The following ZZZ3 variants were observed in gnomAD, a reference collection of about 807,000 sequenced individuals.
The protein encoded by ZZZ3 is zinc finger ZZ-type containing 3, also known as ZZ-type zinc finger-containing protein 3.
In ZZZ3, 22 loss-of-function variants were observed where a neutral mutation model predicts 95.2. The ratio of observed to expected loss-of-function variants is 0.23; its 90% CI spans 0.17 to 0.33. The LOEUF is 0.33. Ranked by LOEUF, ZZZ3 falls within the 10% of genes least tolerant of loss-of-function variation. The pLI, the probability that ZZZ3 is intolerant of heterozygous loss-of-function variation, is 1.00. For synonymous variants in ZZZ3, 335 were observed against 358.9 expected (o/e 0.93, Z 0.75); for missense variants, 885 against 1,066.5 (o/e 0.83, Z 2.37).
At chr1:77,665,810 A>G (rs1671193035) in intron 1 of ZZZ3, among the ~76,000 whole-genome samples, 1 of 152,200 alleles carries the variant, frequency 6.6e-6, no homozygotes, top group African/African-American at 2.4e-5. Flanking sequence ...TGGGAGGCCG[A>G]GGCGGGCGGA....
intron 14 of ZZZ3, 37 bp from the exon 15 acceptor site, chr1:77,565,821 G>A: frequency 6.3e-7 from 1 of 1,581,100 alleles, no homozygotes; most frequent in South Asian, 1.2e-5. Context: ...TTACATGGTA[G>A]TGGATGCATT....
chr1:77,580,921 T>C, intron 9 of ZZZ3, 77 bp downstream of exon 9: 1 of 1,244,862 alleles, frequency 8.0e-7, no homozygotes. Flanking sequence ...CCACTGGACC[T>C]GGCCTCATAA....
intron 5 of ZZZ3, among the ~76,000 whole-genome samples, chr1:77,607,015 T>C (rs531614393): frequency 6.6e-6 from 1 of 152,332 alleles, no homozygotes; most frequent in East Asian, 1.9e-4. Flanking sequence ...GGACCAATCT[T>C]GGAGAAACAG....
In ZZZ3 at chr1:77,576,139, C is replaced by T. The variant is rs745635175; in HGVS notation, c.2260G>A (p.Val754Met). 1 of 1,613,646 alleles carries T rather than the reference C, an allele frequency of 6.2e-7. No homozygotes were observed. Among genetic ancestry groups the T allele is most frequent in the South Asian group, 1.1e-5 (1 of 91,006 alleles). Reference sequence around the variant, plus strand: ...CGGTCATCATCTTCATCCATATACACTGGCGGTTCATGTGAAGTCATGAAA... The same window carrying T: ...CGGTCATCATCTTCATCCATATACATTGGCGGTTCATGTGAAGTCATGAAA... ...STFMTSHEPP[V>M]YMDEDDDRSC... Residue 754 changes from valine to methionine, a missense_variant, in exon 12 of 15, where the codon GTG becomes ATG. Around this residue, in one of 5 missense-constraint regions of ZZZ3, gnomAD observed 221 missense variants for 247.8 expected, o/e 0.89. Transcript: ENST00000370801.
intron 5 of ZZZ3, among the ~76,000 whole-genome samples, chr1:77,611,227 C>A: frequency 8.3e-6 from 1 of 120,670 alleles, no homozygotes; most frequent in Non-Finnish European, 1.8e-5. Context: ...TTTAAAAATA[C>A]CTACCAAAAA....
In ZZZ3 at chr1:77,633,047, T is replaced by C. The variant is rs1667955979; in HGVS notation, c.308A>G (p.Asn103Ser). The change falls in exon 5 of 15, where the codon AAT (asparagine) becomes AGT (serine). Residue 103 changes from asparagine (N) to serine (S), a missense_variant. Physicochemically the swap from Asn to Ser is conservative, Grantham distance 46. This residue lies in a region of ZZZ3 where 556 missense variants were observed against 652.9 expected (regional missense o/e 0.85). Transcript: ENST00000370801. ...KDNIERQAIE[N>S]CERRQTEPVS... ...AGGTTCTGTTTGCCTTCTCTCACAA[T>C]TTTCTATAGCCTGCCTTTCTATGTT... The C allele has an allele frequency of 6.2e-7, 1 of 1,613,816 alleles. No homozygotes were observed. Among genetic ancestry groups the C allele is most frequent in the African/African-American group, 1.3e-5 (1 of 74,922 alleles).
At position 77,565,712 on chromosome 1, in the gene ZZZ3, G is replaced by A. The variant is rs1485382146; in HGVS notation, c.2640C>T (p.Asp880=). 1.2e-6 allele frequency: 2 copies of A among 1,613,772 alleles called. No individual in the cohort carries two copies. Residue 880 remains aspartate, a synonymous_variant, in exon 15 of 15, where the codon GAC becomes GAT. Transcript: ENST00000370801. ...TGCCCTGAGACACACAGTAGTCTCT[G>A]TCTAAGAATGTCTCTGACCTATAAA... The part of the protein sequence containing the change: ...EPIYRSETFL[D]RDYCVSQGTS...
chr1:77,682,719 C>T (rs2101113444), upstream of ZZZ3: 1 of 152,354 alleles, frequency 6.6e-6, no homozygotes, highest in African/African-American at 2.4e-5. Flanking sequence ...CGCGAGCTTC[C>T]ACTAGACCCA....
In ZZZ3 at chr1:77,564,895, T is replaced by C. The variant is rs1219618403; in HGVS notation, c.*745A>G. The C allele has an allele frequency of 6.6e-6, 1 of 152,650 alleles. No homozygotes were observed. The highest frequency in any genetic ancestry group is 6.5e-5 in the Admixed American group (1 of 15,276). 9.5% of individuals were successfully genotyped at this position (152,650 alleles called of 1,614,324 possible). On this transcript the variant is annotated 3_prime_UTR_variant, in exon 15 of 15. Transcript: ENST00000370801. ...TGAATTAGAAACTTTACACAGTTAC[T>C]ACCACTGGCACTTTTCACCATAGTT...
intron 1 of ZZZ3, among the ~76,000 whole-genome samples, chr1:77,651,280 G>A (rs2100965771): frequency 6.6e-6 from 1 of 152,226 alleles, no homozygotes; most frequent in African/African-American, 2.4e-5. Context: ...AGCTACTTGG[G>A]AGGCTGAGGT....
At chr1:77,618,483 C>T (rs1459767896) in intron 5 of ZZZ3, among the ~76,000 whole-genome samples, 1 of 151,954 alleles carries the variant, frequency 6.6e-6, no homozygotes, top group Non-Finnish European at 1.5e-5. Context: ...GTGCAAAAAA[C>T]ATTAATAAAA....
At chr1:77,604,136 C>T (rs905725383) in intron 5 of ZZZ3, among the ~76,000 whole-genome samples, 1 of 152,188 alleles carries the variant, frequency 6.6e-6, no homozygotes, top group Non-Finnish European at 1.5e-5. Flanking sequence ...TTATGAGTAG[C>T]CACTGCACTC....
intron 5 of ZZZ3, among the ~76,000 whole-genome samples, chr1:77,605,513 C>G (rs972306928): frequency 2.6e-5 from 4 of 152,180 alleles, no homozygotes; most frequent in African/African-American, 9.7e-5. Flanking sequence ...AGACTCCAGC[C>G]AGAGCAATTA....
At chr1:77,592,927 G>A (rs1289579816) in intron 5 of ZZZ3, among the ~76,000 whole-genome samples, 1 of 152,162 alleles carries the variant, frequency 6.6e-6, no homozygotes, top group Non-Finnish European at 1.5e-5. Context: ...ACGAGGTAAA[G>A]ATCCACAAGA....
intron 1 of ZZZ3, among the ~76,000 whole-genome samples, chr1:77,653,927 G>A (rs933373394): frequency 1.3e-5 from 2 of 152,174 alleles, no homozygotes; most frequent in South Asian, 2.1e-4. Flanking sequence ...GGTGGCTCAC[G>A]CCTGTAATCC....
At chr1:77,602,432 C>A (rs1664818414) in intron 5 of ZZZ3, among the ~76,000 whole-genome samples, 1 of 152,104 alleles carries the variant, frequency 6.6e-6, no homozygotes, top group South Asian at 2.1e-4. Context: ...ATTAAAGACT[C>A]TATAATCTAA....
intron 10 of ZZZ3, 51 bp from the exon 11 acceptor site, chr1:77,578,920 T>C: frequency 8.3e-7 from 1 of 1,207,008 alleles, no homozygotes; most frequent in South Asian, 1.8e-5. Context: ...ATACAATACC[T>C]GAGTCGTTTT....
chr1:77,635,642 ATGC>A (rs1282774496), intron 4 of ZZZ3, among the ~76,000 whole-genome samples: 1 of 152,252 alleles, frequency 6.6e-6, no homozygotes, highest in Non-Finnish European at 1.5e-5. Flanking sequence ...GCAGTGGCTC[ATGC>A]CTGTAATCCC....
At chr1:77,636,556 T>C (rs1172474096) in intron 4 of ZZZ3, among the ~76,000 whole-genome samples, 1 of 151,522 alleles carries the variant, frequency 6.6e-6, no homozygotes, top group Non-Finnish European at 1.5e-5. Flanking sequence ...CTACTAAAAA[T>C]ACAAAAAATT....
Sources: allele counts gnomAD v4.1 joint callset (sites outside exome capture counted in the v4.1 genomes callset), GRCh38; gene constraint gnomAD v4.1.1; regional missense constraint gnomAD v4.1.1; transcripts MANE v1.5; gene names NCBI Gene and HGNC (gene_info 2026-07-23, HGNC 2026-07-21).